The following VAC14 variants were observed in gnomAD, a reference collection of about 807,000 sequenced individuals.
VAC14 encodes protein VAC14 homolog.
VAC14 carries 47 observed loss-of-function variants against 85.3 expected under a neutral mutation model. The ratio of observed to expected loss-of-function variants is 0.55; its 90% confidence interval spans 0.44 to 0.70. The LOEUF is 0.70. VAC14 is among the 30% of genes least tolerant of loss of function. The pLI is 0.00. For synonymous variants in VAC14, 447 were observed against 430.5 expected (o/e 1.04, Z -0.47); for missense variants, 861 against 1,004.3 (o/e 0.86, Z 1.93).
chr16:70,722,047 G>A (rs1186408399), intron 14 of VAC14, among the ~76,000 whole-genome samples: 1 of 152,216 alleles, frequency 6.6e-6, no homozygotes, highest in Admixed American at 6.5e-5. Flanking sequence ...CTGGGGACGA[G>A]GGCAGATGCT....
At chr16:70,692,473 C>G (rs2053615686) in intron 18 of VAC14, among the ~76,000 whole-genome samples, 2 of 152,200 alleles carry the variant, frequency 1.3e-5, no homozygotes. Context: ...ACTCCTCCCC[C>G]TGCCCGGTGT....
In VAC14 at chr16:70,698,653, T is replaced by C. The variant is rs893086908; in HGVS notation, c.1820A>G (p.Lys607Arg). The C allele has an allele frequency of 6.2e-7, 1 of 1,614,134 alleles. No individual in the cohort carries two copies. The highest frequency in any genetic ancestry group is 1.1e-5 in the South Asian group (1 of 91,080). Reference sequence around the variant, plus strand: ...GCAGCCTACCAGGGTCTTCAGGTCCTTCAGCTGGTTCCTTAGCTGGAAGAG... The same window carrying C: ...GCAGCCTACCAGGGTCTTCAGGTCCCTCAGCTGGTTCCTTAGCTGGAAGAG... ...TELFQLRNQL[K>R]DLKTLESQNL... Residue 607 changes from lysine (K) to arginine (R), a missense_variant, in exon 15 of 19, where the codon AAG becomes AGG. This residue lies in a region of VAC14 where 69 missense variants were observed against 139.0 expected (regional missense o/e 0.50). Coordinates refer to ENST00000261776, the MANE Select transcript of VAC14 (RefSeq NM_018052.5).
rs148276532 is a variant in VAC14 at position 70,780,924 on chromosome 16, G to A, written c.962C>T (p.Ala321Val). The A allele has an allele frequency of 5.6e-6, 9 of 1,614,002 alleles. No homozygotes were observed. The African/African-American group carries it at 1.2e-4, about 22-fold the overall frequency. ...DDRKKSIKEV[A>V]NVCNQSLMKL... Reference sequence around the variant, plus strand: ...CATCAGGCTCTGGTTGCACACGTTGGCCACTTCTTTGATGCCTGAGTCCAC... The same window carrying A: ...CATCAGGCTCTGGTTGCACACGTTGACCACTTCTTTGATGCCTGAGTCCAC... The change falls in exon 9 of 19, where the codon GCC becomes GTC. Residue 321 changes from alanine (A) to valine (V), a missense_variant. By Grantham distance (64) the Ala-to-Val change is moderately conservative (BLOSUM62 0). Around this residue, in one of 3 missense-constraint regions of VAC14, gnomAD observed 629 missense variants for 703.1 expected, o/e 0.89. Coordinates refer to ENST00000261776, the MANE Select transcript of VAC14 (RefSeq NM_018052.5).
At chr16:70,798,326 C>T (rs1030420130) in intron 1 of VAC14, among the ~76,000 whole-genome samples, 28 of 152,286 alleles carry the variant, frequency 1.8e-4, no homozygotes, top group East Asian at 1.9e-4. Flanking sequence ...TGCCAATATT[C>T]GGACTCTTCT....
At chr16:70,730,594 C>CTTTTT (rs34654239) in intron 14 of VAC14, among the ~76,000 whole-genome samples, 4 of 106,544 alleles carry the variant, frequency 3.8e-5, no homozygotes, top group African/African-American at 4.2e-5. Context: ...GAGGCCCAGG[C>CTTTTT]TTTTTTTTTT....
chr16:70,757,301 C>T (rs1229989992), intron 12 of VAC14, among the ~76,000 whole-genome samples: 1 of 152,230 alleles, frequency 6.6e-6, no homozygotes, highest in Non-Finnish European at 1.5e-5. Context: ...GCTGACGACG[C>T]CATTTCTCTT....
At chr16:70,696,589 G>C (rs955847402) in intron 16 of VAC14, among the ~76,000 whole-genome samples, 7 of 152,208 alleles carry the variant, frequency 4.6e-5, no homozygotes, top group African/African-American at 1.7e-4. Context: ...TCCTGCTTCT[G>C]AGGCCTCTGC....
intron 13 of VAC14, among the ~76,000 whole-genome samples, chr16:70,737,259 C>T (rs1266126415): frequency 2.0e-5 from 3 of 152,230 alleles, no homozygotes; most frequent in East Asian, 1.9e-4. Context: ...AAGTGGGAGC[C>T]GGGACGGGGC....
chr16:70,755,200 A>G, intron 12 of VAC14: 1 of 347,218 alleles, frequency 2.9e-6, no homozygotes, highest in South Asian at 2.1e-5. Context: ...CAGGTGGAAG[A>G]TGGAGAGGGC....
At chr16:70,689,456 G>A in intron 18 of VAC14, 1 of 974,650 alleles carries the variant, frequency 1.0e-6, no homozygotes, top group Non-Finnish European at 1.2e-6. Context: ...AACGGCCAGA[G>A]CCTGACAGTT....
intron 14 of VAC14, among the ~76,000 whole-genome samples, chr16:70,727,819 G>A (rs1017356807): frequency 6.6e-6 from 1 of 152,244 alleles, no homozygotes; most frequent in Non-Finnish European, 1.5e-5. Context: ...GTCAGATGCT[G>A]TGTGTGCCCC....
chr16:70,746,136 C>G (rs745423394), intron 12 of VAC14, among the ~76,000 whole-genome samples: 22 of 152,228 alleles, frequency 1.4e-4, no homozygotes, highest in Non-Finnish European at 2.4e-4. Context: ...AGTGCCTCCC[C>G]CACACTGCCC....
At position 70,698,855 on chromosome 16, in the gene VAC14, A is replaced by G. The variant is rs765167069; in HGVS notation, c.1662-44T>C. The G allele has an allele frequency of 1.1e-5, 17 of 1,605,840 alleles. No homozygotes were observed. In the African/African-American group the frequency reaches 2.0e-4, roughly 19 times the overall value. On this transcript the variant is annotated intron_variant, in intron 14 of 18. Coordinates refer to ENST00000261776, the MANE Select transcript of VAC14 (RefSeq NM_018052.5). ...GGGGTCAGGGCGCAGGCCGACCTGG[A>G]AGGCTCTGTGTCTCAGCCTGGGAGG... is the stretch of plus-strand genomic sequence containing the variant.
Position 70,745,522 on chromosome 16 carries a change from C to T in VAC14, c.1372-943G>A, listed in dbSNP as rs13334722. Among the ~76,000 whole-genome samples the T allele has an allele frequency of 3.7e-3, 465 of 124,280 alleles. 1 individual carries two copies. The highest frequency in any genetic ancestry group is 0.016 in the Middle Eastern group (4 of 246). The allele number at this position is 124,280 out of a possible 152,430, so 81.5% of individuals were successfully genotyped here. On this transcript the variant is annotated intron_variant, in intron 12 of 18. Coordinates refer to ENST00000261776, the MANE Select transcript of VAC14 (RefSeq NM_018052.5). ...GTGTGTGTGTGTGTGTGTGTGTGCG[C>T]GTGTGCGCGCGTGTGCCTGTGTGCA...
chr16:70,788,495 A>G (rs928029704), intron 1 of VAC14, among the ~76,000 whole-genome samples: 1 of 152,202 alleles, frequency 6.6e-6, no homozygotes, highest in East Asian at 1.9e-4. Flanking sequence ...TCTGGATAGA[A>G]TGTGAACTCC....
chr16:70,800,239 G>A (rs1158246235), intron 1 of VAC14, among the ~76,000 whole-genome samples: 2 of 152,228 alleles, frequency 1.3e-5, no homozygotes, highest in African/African-American at 4.8e-5. Context: ...GACTGCAGAA[G>A]CAAGAAAGGT....
intron 14 of VAC14, among the ~76,000 whole-genome samples, chr16:70,706,082 G>A (rs563939027): frequency 6.6e-6 from 1 of 152,274 alleles, no homozygotes; most frequent in East Asian, 1.9e-4. Flanking sequence ...TCCCACCCCA[G>A]CAGGTCCAAT....
intron 1 of VAC14, among the ~76,000 whole-genome samples, chr16:70,798,631 G>A (rs1235862219): frequency 6.6e-6 from 1 of 152,088 alleles, no homozygotes; most frequent in East Asian, 1.9e-4. Flanking sequence ...CAGATGAGAG[G>A]GTCTTTGAGG....
chr16:70,765,187 T>C (rs933235586), intron 10 of VAC14, among the ~76,000 whole-genome samples: 3 of 152,176 alleles, frequency 2.0e-5, no homozygotes, highest in African/African-American at 7.2e-5. Context: ...GCTGCCAGGG[T>C]CCAGGGTGTC....
Sources: allele counts gnomAD v4.1 joint callset (sites outside exome capture counted in the v4.1 genomes callset), GRCh38; gene constraint gnomAD v4.1.1; regional missense constraint gnomAD v4.1.1; transcripts MANE v1.5; gene names NCBI Gene and HGNC (gene_info 2026-07-23, HGNC 2026-07-21).